The following STAG1 variants were observed in gnomAD, a reference collection of about 807,000 sequenced individuals.
STAG1 encodes cohesin subunit SA-1.
Under a neutral mutation model 170.9 loss-of-function variants are expected in STAG1, and 26 were observed. The observed-to-expected ratio is 0.15, with a 90% CI of 0.11 to 0.21. The LOEUF (loss-of-function observed/expected upper bound fraction) is 0.21. STAG1 is among the 10% of genes least tolerant of loss of function. STAG1 has a pLI of 1.00. For missense variants in STAG1, 964 were observed against 1,509.5 expected, an observed-to-expected ratio of 0.64 and a Z score of 5.99; for synonymous variants, 514 against 497.7, an observed-to-expected ratio of 1.03 and a Z score of -0.44.
At chr3:136,620,624 T>G (rs1939798819) in intron 3 of STAG1, among the ~76,000 whole-genome samples, 1 of 152,196 alleles carries the variant, frequency 6.6e-6, no homozygotes, top group African/African-American at 2.4e-5. Flanking sequence ...AAGCTCAAAG[T>G]AGAAATTCAG....
Position 136,384,421 on chromosome 3 carries a change from G to C in STAG1, c.2278-6669C>G, listed in dbSNP as rs565604584. 8.1e-5 allele frequency among the ~76,000 whole-genome samples: 12 copies of C among 148,514 alleles called. No individual in the cohort carries two copies. The East Asian group carries it at 2.0e-3, about 25-fold the overall frequency. On this transcript the variant is annotated intron_variant, in intron 22 of 33. Coordinates refer to ENST00000383202, the MANE Select transcript of STAG1 (RefSeq NM_005862.3). Reference sequence around the variant, plus strand: ...GCAAAGACTGCACCATTGCACTCCAGCCTCGGCAACAGAGCAAGACTCCGT... The same window carrying C: ...GCAAAGACTGCACCATTGCACTCCACCCTCGGCAACAGAGCAAGACTCCGT...
At chr3:136,392,714 C>T (rs1030582754) in intron 22 of STAG1, among the ~76,000 whole-genome samples, 7 of 144,084 alleles carry the variant, frequency 4.9e-5, no homozygotes, top group Non-Finnish European at 1.0e-4. Flanking sequence ...TGCAGTGAGC[C>T]GAGATTGTGC....
chr3:136,714,111 G>A (rs941474487), intron 1 of STAG1, among the ~76,000 whole-genome samples: 2 of 152,052 alleles, frequency 1.3e-5, no homozygotes, highest in Non-Finnish European at 2.9e-5. Flanking sequence ...CCAGGAGGTG[G>A]AGGCTGCCCA....
Position 136,568,876 on chromosome 3 carries a change from T to C in STAG1, c.298-15A>G, listed in dbSNP as rs375451209. 193 of 1,570,960 alleles carry C rather than the reference T, an allele frequency of 1.2e-4. No homozygotes were observed. Among genetic ancestry groups the C allele is most frequent in the Non-Finnish European group, 1.6e-4 (186 of 1,155,818 alleles). On this transcript the variant is annotated splice_polypyrimidine_tract_variant and intron_variant, in intron 4 of 33. Transcript: ENST00000383202. The stretch of plus-strand genomic sequence containing the variant: ...TCCACCACGGACTGTGGAAAAAAAA[T>C]ATAAAAATGAAAACTTCAAAAAAAT...
intron 3 of STAG1, among the ~76,000 whole-genome samples, chr3:136,610,186 G>A (rs934600242): frequency 6.6e-6 from 1 of 151,880 alleles, no homozygotes; most frequent in African/African-American, 2.4e-5. Context: ...ACAGGTGCCC[G>A]CCACCACTCC....
intron 4 of STAG1, among the ~76,000 whole-genome samples, chr3:136,589,221 G>A (rs1050134229): frequency 6.6e-5 from 10 of 152,124 alleles, no homozygotes; most frequent in Admixed American, 2.6e-4. Flanking sequence ...AATCAAGGCC[G>A]GGCGCAGTGG....
intron 1 of STAG1, among the ~76,000 whole-genome samples, chr3:136,706,091 A>C (rs773304679): frequency 2.0e-5 from 3 of 152,168 alleles, no homozygotes; most frequent in Non-Finnish European, 2.9e-5. Context: ...AACAAACAAA[A>C]AACTCAGGAA....
intron 5 of STAG1, among the ~76,000 whole-genome samples, chr3:136,560,440 T>A (rs551474494): frequency 6.6e-6 from 1 of 152,334 alleles, no homozygotes; most frequent in Non-Finnish European, 1.5e-5. Context: ...CTATGCATAA[T>A]TCCCTGAATA....
intron 6 of STAG1, among the ~76,000 whole-genome samples, chr3:136,535,241 G>A (rs1295718765): frequency 6.6e-6 from 1 of 152,222 alleles, no homozygotes; most frequent in African/African-American, 2.4e-5. Context: ...AGAAAAGCGT[G>A]TGAGGAGGAA....
Position 136,359,204 on chromosome 3 carries a change from G to C in STAG1, c.2880C>G (p.Ala960=). The change falls in exon 27 of 34, where the codon GCC becomes GCG. Residue 960 remains alanine, a synonymous_variant. Coordinates refer to ENST00000383202, the MANE Select transcript of STAG1 (RefSeq NM_005862.3). ...TAATCTGGTCCAATCCAAATGTAAG[G>C]GCAAAGCGACGTGCCAGTTCTTTAA... ...SGIKELARRF[A]LTFGLDQIKT... is the part of the protein sequence containing the mutation. 1 of 1,613,746 alleles carries C rather than the reference G, an allele frequency of 6.2e-7. No individual in the cohort carries two copies. Among genetic ancestry groups the C allele is most frequent in the African/African-American group, 1.3e-5 (1 of 75,000 alleles).
At chr3:136,707,908 T>C (rs923708822) in intron 1 of STAG1, among the ~76,000 whole-genome samples, 1 of 152,070 alleles carries the variant, frequency 6.6e-6, no homozygotes, top group Non-Finnish European at 1.5e-5. Flanking sequence ...ACACTGGGGA[T>C]CAAATTTCAA....
intron 1 of STAG1, among the ~76,000 whole-genome samples, chr3:136,745,589 C>T (rs1576843162): frequency 6.6e-6 from 1 of 152,148 alleles, no homozygotes; most frequent in Non-Finnish European, 1.5e-5. Context: ...TCTAATGCTC[C>T]CACTGATCTG....
At chr3:136,679,728 T>TAA (rs61069088) in intron 1 of STAG1, among the ~76,000 whole-genome samples, 12 of 117,698 alleles carry the variant, frequency 1.0e-4, no homozygotes, top group Middle Eastern at 4.7e-3. Flanking sequence ...GACTCCGTCT[T>TAA]AAAAAAAAAA....
chr3:136,643,934 A>T (rs1940894538), intron 1 of STAG1, among the ~76,000 whole-genome samples: 1 of 152,198 alleles, frequency 6.6e-6, no homozygotes, highest in African/African-American at 2.4e-5. Flanking sequence ...CGTAAACAAT[A>T]ATTTTCAAAG....
chr3:136,510,871 A>G (rs1016806039), intron 7 of STAG1, among the ~76,000 whole-genome samples: 8 of 151,968 alleles, frequency 5.3e-5, no homozygotes, highest in African/African-American at 1.9e-4. Flanking sequence ...TCCACCTCCC[A>G]GGTTCAAGCG....
intron 25 of STAG1, among the ~76,000 whole-genome samples, chr3:136,364,986 T>A (rs1285058915): frequency 6.6e-6 from 1 of 152,200 alleles, no homozygotes; most frequent in Non-Finnish European, 1.5e-5. Context: ...AGATTTCTTT[T>A]AAGTTCAGAC....
chr3:136,418,360 CAAAAAAAAAAAAAAAAAAAAAAAAA>C (rs767401141), intron 20 of STAG1, among the ~76,000 whole-genome samples: 21 of 49,754 alleles, frequency 4.2e-4, no homozygotes, highest in Admixed American at 3.4e-4. Flanking sequence ...ACTCTGTCTC[CAAAAAAAAAAAAAAAAAAAAAAAAA>C]AAAAAAAAAA....
chr3:136,579,704 G>C (rs112363250), intron 4 of STAG1, among the ~76,000 whole-genome samples: 176 of 152,256 alleles, frequency 1.2e-3, no homozygotes, highest in African/African-American at 2.4e-3. Flanking sequence ...TGTCCACCAG[G>C]CTCTGAATTT....
At chr3:136,492,883 G>GT (rs2090148764) in intron 9 of STAG1, among the ~76,000 whole-genome samples, 1 of 152,148 alleles carries the variant, frequency 6.6e-6, no homozygotes, top group Non-Finnish European at 1.5e-5. Context: ...TGCTGTACAG[G>GT]TGGGTTAGTA....
Sources: gnomAD v4.1 joint callset for allele counts (sites outside exome capture counted in the v4.1 genomes callset) on GRCh38, gnomAD v4.1.1 for gene constraint, MANE v1.5 for transcripts, NCBI Gene and HGNC (gene_info 2026-07-23, HGNC 2026-07-21) for gene names.